The following NRIP1 variants were observed in gnomAD, a reference collection of about 807,000 sequenced individuals.
NRIP1 encodes nuclear receptor-interacting protein 1.
In NRIP1, 28 loss-of-function variants were observed where a neutral mutation model predicts 75.0. That is an observed-to-expected ratio of 0.37 (90% CI 0.28 to 0.51). The LOEUF (loss-of-function observed/expected upper bound fraction) is 0.51. NRIP1 is among the 20% of genes least tolerant of loss of function. NRIP1 has a pLI of 0.92. For synonymous variants in NRIP1, 526 were observed against 487.6 expected, an observed-to-expected ratio of 1.08 and a Z score of -1.04; for missense variants, 1,435 against 1,343.7, an observed-to-expected ratio of 1.07 and a Z score of -1.06.
At chr21:15,057,813 T>TC (rs1411641106) in intron 1 of NRIP1, among the ~76,000 whole-genome samples, 2 of 152,182 alleles carry the variant, frequency 1.3e-5, no homozygotes, top group African/African-American at 4.8e-5. Context: ...TACCTACATG[T>TC]CACAGGGGAA....
At position 14,964,988 on chromosome 21, in the gene NRIP1, A is replaced by G. The variant is rs759997951; in HGVS notation, c.3205T>C (p.Tyr1069His). Residue 1069 changes from tyrosine to histidine, a missense_variant, in exon 4 of 4, where the codon TAT becomes CAT. Physicochemically the swap from Tyr to His is moderately conservative, Grantham distance 83. Coordinates refer to ENST00000318948, the MANE Select transcript of NRIP1 (RefSeq NM_003489.4). ...PRLTKTNPIL[Y>H]YMLQKGGNSV... Reference sequence around the variant, plus strand: ...TTGCCTCCTTTTTGAAGCATGTAATATAGTATTGGGTTGGTTTTGGTCAAT... The same window carrying G: ...TTGCCTCCTTTTTGAAGCATGTAATGTAGTATTGGGTTGGTTTTGGTCAAT... 4 of 1,613,976 alleles carry G rather than the reference A, an allele frequency of 2.5e-6. No homozygotes were observed. Among genetic ancestry groups the G allele is most frequent in the African/African-American group, 1.3e-5 (1 of 75,004 alleles).
intron 2 of NRIP1, among the ~76,000 whole-genome samples, chr21:15,040,240 T>C (rs557518909): frequency 2.6e-5 from 4 of 152,218 alleles, no homozygotes; most frequent in East Asian, 1.9e-4. Context: ...TAATTTTATA[T>C]TGATTATTCA....
At position 14,967,719 on chromosome 21, in the gene NRIP1, C is replaced by T; in HGVS notation, c.474G>A (p.Lys158=). 6.2e-7 allele frequency: 1 copy of T among 1,614,146 alleles called. No individual in the cohort carries two copies. The highest frequency in any genetic ancestry group is 8.5e-7 in the Non-Finnish European group (1 of 1,180,020). ...ALSQQIRQSL[K]EQGYALSHDS... ...CATGACTGAGGGCATATCCTTGCTC[C>T]TTGAGGCTCTGCCTGATTTGTTGTG... The change falls in exon 4 of 4, where the codon AAG becomes AAA. Residue 158 remains lysine, a synonymous_variant. Transcript: ENST00000318948.
At chr21:15,054,285 G>A (rs931339010) in intron 1 of NRIP1, among the ~76,000 whole-genome samples, 2 of 152,168 alleles carry the variant, frequency 1.3e-5, no homozygotes, top group Non-Finnish European at 2.9e-5. Context: ...AGGCAGTTAA[G>A]TGTGCCCAGC....
At chr21:15,052,936 A>G (rs1005712238) in intron 1 of NRIP1, among the ~76,000 whole-genome samples, 1 of 152,220 alleles carries the variant, frequency 6.6e-6, no homozygotes, top group Non-Finnish European at 1.5e-5. Flanking sequence ...CAAAATTTGA[A>G]TTTCTGATTG....
intron 1 of NRIP1, among the ~76,000 whole-genome samples, chr21:15,056,556 T>C (rs1006388191): frequency 1.5e-4 from 23 of 152,206 alleles, no homozygotes; most frequent in Admixed American, 1.1e-3. Context: ...ATAAGTTCAT[T>C]CTGATCTTTA....
At chr21:15,019,424 A>C (rs2088313813) in intron 2 of NRIP1, among the ~76,000 whole-genome samples, 1 of 150,172 alleles carries the variant, frequency 6.7e-6, no homozygotes, top group South Asian at 2.1e-4. Flanking sequence ...ATTAATAAAA[A>C]AAAGTTCAGA....
chr21:15,008,889 G>A (rs947735984), intron 3 of NRIP1, among the ~76,000 whole-genome samples: 1 of 152,074 alleles, frequency 6.6e-6, no homozygotes, highest in African/African-American at 2.4e-5. Flanking sequence ...GTTGTCTAGA[G>A]GCTATATACA....
rs2086711005 is a variant in NRIP1 at position 14,965,561 on chromosome 21, C to T, written c.2632G>A (p.Val878Ile). The change falls in exon 4 of 4, where the codon GTT (valine) becomes ATT (isoleucine). Residue 878 changes from valine (V) to isoleucine (I), a missense_variant. Physicochemically the swap from Val to Ile is conservative, Grantham distance 29. Transcript: ENST00000318948. ...NPFKKMKNNI[V>I]DAANNHSAPE... ...GCACTGTGATTGTTTGCAGCATCAA[C>T]AATGTTGTTTTTCATCTTTTTAAAT... 2 of 1,614,036 alleles carry T rather than the reference C, an allele frequency of 1.2e-6. No homozygotes were observed. The highest frequency in any genetic ancestry group is 1.7e-6 in the Non-Finnish European group (2 of 1,179,952).
rs549415470 is a variant in NRIP1, at chr21:15,063,624, A to G, written c.-538+1121T>C. 1.3e-4 allele frequency among the ~76,000 whole-genome samples: 20 copies of G among 152,340 alleles called. 2 individuals are homozygous for G. The South Asian group carries it at 4.1e-3, about 32-fold the overall frequency. On this transcript the variant is annotated intron_variant, in intron 1 of 3. Transcript: ENST00000318948. ...AACCATTTTTACTATGGACACCTAC[A>G]GATGGCTTCTCTTCCTCTAAGGACA...
chr21:14,974,456 TC>T (rs2086992772), intron 3 of NRIP1: 1 of 152,226 alleles, frequency 6.6e-6, no homozygotes, highest in Non-Finnish European at 1.5e-5. Context: ...CCAATATATT[TC>T]ATTTTTAGAC....
intron 3 of NRIP1, among the ~76,000 whole-genome samples, chr21:14,984,321 T>A (rs889480374): frequency 1.3e-5 from 2 of 151,332 alleles, no homozygotes; most frequent in African/African-American, 4.8e-5. Context: ...TGGGTAAATT[T>A]CTGTAACCTC....
At chr21:15,021,694 A>G (rs535971093) in intron 2 of NRIP1, among the ~76,000 whole-genome samples, 1 of 149,720 alleles carries the variant, frequency 6.7e-6, no homozygotes, top group East Asian at 1.9e-4. Context: ...GAGTTTAAAT[A>G]AATTTACAAG....
chr21:15,009,726 A>G (rs892126019), intron 3 of NRIP1, among the ~76,000 whole-genome samples: 2 of 152,254 alleles, frequency 1.3e-5, no homozygotes, highest in African/African-American at 4.8e-5. Context: ...CAGTAATGAC[A>G]AACTTTTATA....
chr21:15,050,930 C>A (rs1318546645), intron 1 of NRIP1: 1 of 455,814 alleles, frequency 2.2e-6, no homozygotes, highest in Non-Finnish European at 4.4e-6. Context: ...AGCCTGTATA[C>A]CTATAACTTA....
intron 3 of NRIP1, chr21:14,992,763 A>G (rs536021391): frequency 1.3e-5 from 2 of 152,372 alleles, no homozygotes; most frequent in East Asian, 3.9e-4. Context: ...TCTTCCAAAA[A>G]TGTTATTCAA....
intron 1 of NRIP1, among the ~76,000 whole-genome samples, chr21:15,054,670 C>T (rs1298693443): frequency 6.6e-6 from 1 of 152,166 alleles, no homozygotes; most frequent in Non-Finnish European, 1.5e-5. Flanking sequence ...AACTGCTATG[C>T]ATAAATACAT....
intron 1 of NRIP1, among the ~76,000 whole-genome samples, chr21:15,052,635 T>G (rs1002662155): frequency 6.6e-6 from 1 of 152,224 alleles, no homozygotes; most frequent in African/African-American, 2.4e-5. Flanking sequence ...TTATCCTCAC[T>G]GGACAAATTC....
chr21:14,987,792 G>T (rs2087448881), intron 3 of NRIP1, among the ~76,000 whole-genome samples: 2 of 152,112 alleles, frequency 1.3e-5, no homozygotes, highest in African/African-American at 4.8e-5. Flanking sequence ...TCTCCTCACG[G>T]GGTTGGTTAA....
Sources: gnomAD v4.1 joint callset for allele counts (sites outside exome capture counted in the v4.1 genomes callset) on GRCh38, gnomAD v4.1.1 for gene constraint, MANE v1.5 for transcripts, NCBI Gene and HGNC (gene_info 2026-07-23, HGNC 2026-07-21) for gene names.